RFTN1: variants seen among roughly 807,000 people sequenced by gnomAD.
RFTN1 encodes raftlin.
RFTN1 carries 26 observed loss-of-function variants against 46.5 expected under a neutral mutation model. That is an observed-to-expected ratio of 0.56 (90% CI 0.41 to 0.78). The LOEUF (loss-of-function observed/expected upper bound fraction) is 0.78. Among genes scored for constraint, RFTN1 ranks in the 30% least tolerant of loss-of-function variants. The pLI, the probability that RFTN1 is intolerant of heterozygous loss-of-function variation, is 0.00. For synonymous variants in RFTN1, 261 were observed against 284.2 expected (o/e 0.92, Z 0.82); for missense variants, 693 against 718.7 (o/e 0.96, Z 0.41).
intron 5 of RFTN1, among the ~76,000 whole-genome samples, chr3:16,375,503 G>A (rs1010064353): frequency 2.0e-5 from 3 of 152,062 alleles, no homozygotes; most frequent in African/African-American, 7.3e-5. Flanking sequence ...GGCACTTGGA[G>A]GGTGACTGCC....
rs551522522 is a variant in RFTN1, at chr3:16,355,998, A to G, written c.1146+1934T>C. 5.3e-5 allele frequency among the ~76,000 whole-genome samples: 8 copies of G among 152,320 alleles called. No individual in the cohort carries two copies. In the East Asian group the frequency reaches 1.3e-3, roughly 26 times the overall value. ...GCACATGTTTTGGGTGCAGCCATGCATCGCTACTGTTACAGCCAAATGTTA... is the reference window on the plus strand; with the variant it reads ...GCACATGTTTTGGGTGCAGCCATGCGTCGCTACTGTTACAGCCAAATGTTA... On this transcript the variant is annotated intron_variant, in intron 7 of 9. Transcript: ENST00000334133.
At position 16,424,329 on chromosome 3, in the gene RFTN1, T is replaced by C. The variant is rs866255644; in HGVS notation, c.332+9522A>G. Among the ~76,000 whole-genome samples the C allele has an allele frequency of 1.3e-5, 2 of 152,138 alleles. No homozygotes were observed. Among genetic ancestry groups the C allele is most frequent in the Non-Finnish European group, 2.9e-5 (2 of 68,032 alleles). ...TTCTTCAGCCTCATTTTCCTAGACA[T>C]AAAATGAGAAGTGGGGAATGAGGGA... On this transcript the variant is annotated intron_variant, in intron 3 of 9. Transcript: ENST00000334133. This position sits in a 1 kb window ranked among gnomAD's most constrained non-coding sequence, Gnocchi z 4.7.
chr3:16,470,111 T>C (rs997240162), intron 2 of RFTN1, among the ~76,000 whole-genome samples: 1 of 152,174 alleles, frequency 6.6e-6, no homozygotes, highest in Non-Finnish European at 1.5e-5. Flanking sequence ...TCTCTGGGCC[T>C]TCATTTGTCT....
chr3:16,379,967 G>A (rs1010100418), intron 4 of RFTN1, among the ~76,000 whole-genome samples: 1 of 152,200 alleles, frequency 6.6e-6, no homozygotes, highest in Non-Finnish European at 1.5e-5. Flanking sequence ...GGGTTTTACA[G>A]CCCTCAAATG....
chr3:16,444,275 G>A lies in RFTN1; in HGVS notation c.146-10238C>T, dbSNP rs573039586. 3.3e-5 allele frequency among the ~76,000 whole-genome samples: 5 copies of A among 152,260 alleles called. No homozygotes were observed. In the East Asian group the frequency reaches 9.6e-4, roughly 29 times the overall value. On this transcript the variant is annotated intron_variant, in intron 2 of 9. Coordinates refer to ENST00000334133, the MANE Select transcript of RFTN1 (RefSeq NM_015150.2). ...ATTATGCTGATGGCATCAAAGACTA[G>A]CCACTAATGAGTATGTACAAACAAT... is the stretch of plus-strand genomic sequence containing the variant.
chr3:16,397,792 CTCTT>C (rs66501474), intron 4 of RFTN1, among the ~76,000 whole-genome samples: 78,454 of 151,132 alleles, frequency 0.52, 21,419 homozygotes, highest in Middle Eastern at 0.6. Flanking sequence ...CTCTCTCTCT[CTCTT>C]TCTTTTTTCT....
intron 8 of RFTN1, among the ~76,000 whole-genome samples, chr3:16,325,284 G>T (rs141478432): frequency 7.9e-5 from 12 of 152,318 alleles, no homozygotes; most frequent in African/African-American, 2.9e-4. Flanking sequence ...ACACAGTGAG[G>T]ATTCAAACAC....
intron 3 of RFTN1, among the ~76,000 whole-genome samples, chr3:16,417,000 T>C (rs949047245): frequency 2.2e-5 from 3 of 137,636 alleles, no homozygotes; most frequent in Non-Finnish European, 4.5e-5. Context: ...AGAACTTGTT[T>C]TTCTTTTTCT....
intron 2 of RFTN1, among the ~76,000 whole-genome samples, chr3:16,464,205 A>G (rs557714810): frequency 6.6e-6 from 1 of 152,332 alleles, no homozygotes; most frequent in African/African-American, 2.4e-5. Context: ...CAGTCCCAAG[A>G]GAACACAAAC....
rs2075114141 is a variant in RFTN1, at chr3:16,417,935, T to C, written c.333-8452A>G. Among the ~76,000 whole-genome samples, 5 of 152,178 alleles carry C rather than the reference T, an allele frequency of 3.3e-5. No homozygotes were observed. In the South Asian group the frequency reaches 1.0e-3, roughly 31 times the overall value. On this transcript the variant is annotated intron_variant, in intron 3 of 9. Transcript: ENST00000334133. ...GTTGCCCAGGCTGGTCTCAAATTCC[T>C]GGGCTCAAGTGAACCTCCAGCTCGG...
intron 6 of RFTN1, among the ~76,000 whole-genome samples, chr3:16,364,885 G>A (rs917238053): frequency 6.6e-6 from 1 of 152,220 alleles, no homozygotes; most frequent in South Asian, 2.1e-4. Flanking sequence ...TAGAAACAGC[G>A]TGGGGCACGC....
At chr3:16,390,560 T>G (rs1287798517) in intron 4 of RFTN1, among the ~76,000 whole-genome samples, 3 of 152,258 alleles carry the variant, frequency 2.0e-5, no homozygotes. Flanking sequence ...GCTTAGTTCT[T>G]GTTTATCACA....
chr3:16,350,584 T>C (rs2072033653), intron 7 of RFTN1, among the ~76,000 whole-genome samples: 1 of 152,100 alleles, frequency 6.6e-6, no homozygotes, highest in South Asian at 2.1e-4. Flanking sequence ...CACACAAGAA[T>C]TTGATAAAAG....
Position 16,344,744 on chromosome 3 carries a change from C to A in RFTN1, c.1146+13188G>T, listed in dbSNP as rs539376578. On this transcript the variant is annotated intron_variant, in intron 7 of 9. Transcript: ENST00000334133. The surrounding 1 kb of genome is among the most constrained non-coding windows in gnomAD (Gnocchi z 4.4). ...AAAGCACATCGTTGCCAAGTGCGGC[C>A]TCTCAATCAGTTATACACCACCCAT... 6.6e-6 allele frequency among the ~76,000 whole-genome samples: 1 copy of A among 152,328 alleles called. No individual in the cohort carries two copies. Among genetic ancestry groups the A allele is most frequent in the South Asian group, 2.1e-4 (1 of 4,828 alleles).
In RFTN1 at chr3:16,370,284, TG is replaced by T; in HGVS notation, c.827-6del. The T allele has an allele frequency of 6.2e-7, 1 of 1,613,646 alleles. No homozygotes were observed. Among genetic ancestry groups the T allele is most frequent in the East Asian group, 2.2e-5 (1 of 44,858 alleles). ...AAAGGGTGAAGATCTCCATTTCTGT[TG>T]GGATTTGTAAAGGGAGTGGAGAGAG... is the stretch of plus-strand genomic sequence containing the variant. On this transcript the variant is annotated splice_region_variant and splice_polypyrimidine_tract_variant and intron_variant, in intron 5 of 9. Transcript: ENST00000334133. This position sits in a 1 kb window ranked among gnomAD's most constrained non-coding sequence, Gnocchi z 5.5.
chr3:16,469,638 G>A (rs539319387), intron 2 of RFTN1, among the ~76,000 whole-genome samples: 135 of 152,364 alleles, frequency 8.9e-4, no homozygotes, highest in Middle Eastern at 3.4e-3. Flanking sequence ...AAGGGGGGAA[G>A]AGAGAGGACC....
At position 16,422,843 on chromosome 3, in the gene RFTN1, G is replaced by C. The variant is rs1293902505; in HGVS notation, c.332+11008C>G. Among the ~76,000 whole-genome samples, 3 of 152,168 alleles carry C rather than the reference G, an allele frequency of 2.0e-5. No homozygotes were observed. Among genetic ancestry groups the C allele is most frequent in the Non-Finnish European group, 2.9e-5 (2 of 67,988 alleles). On this transcript the variant is annotated intron_variant, in intron 3 of 9. Coordinates refer to ENST00000334133, the MANE Select transcript of RFTN1 (RefSeq NM_015150.2). This position sits in a 1 kb window ranked among gnomAD's most constrained non-coding sequence, Gnocchi z 4.6. ...TTAGGTTAACTTAATAAGTGCTCTT[G>C]GCAAAGGTGGCTACCTAGAAGAAAA... is the stretch of plus-strand genomic sequence containing the variant.
rs750873217 is a variant in RFTN1 at position 16,348,666 on chromosome 3, C to T, written c.1146+9266G>A. On this transcript the variant is annotated intron_variant, in intron 7 of 9. Coordinates refer to ENST00000334133, the MANE Select transcript of RFTN1 (RefSeq NM_015150.2). This position sits in a 1 kb window ranked among gnomAD's most constrained non-coding sequence, Gnocchi z 6.3. Reference sequence around the variant, plus strand: ...GCAAATGCCCCTTTGCATCCTTGTTCCTGGGCATCAAAAAGTAGTCACTCT... The same window carrying T: ...GCAAATGCCCCTTTGCATCCTTGTTTCTGGGCATCAAAAAGTAGTCACTCT... 2.0e-5 allele frequency among the ~76,000 whole-genome samples: 3 copies of T among 152,188 alleles called. No individual in the cohort carries two copies. The highest frequency in any genetic ancestry group is 7.2e-5 in the African/African-American group (3 of 41,446).
At chr3:16,358,328 C>T (rs369931597) in intron 6 of RFTN1, among the ~76,000 whole-genome samples, 1 of 152,166 alleles carries the variant, frequency 6.6e-6, no homozygotes, top group East Asian at 1.9e-4. Flanking sequence ...GTTTACCTTC[C>T]TTTTCATGCT....
Sources: allele counts gnomAD v4.1 joint callset (sites outside exome capture counted in the v4.1 genomes callset), GRCh38; gene constraint gnomAD v4.1.1; non-coding constraint Gnocchi (gnomAD v3.1); transcripts MANE v1.5; gene names NCBI Gene and HGNC (gene_info 2026-07-23, HGNC 2026-07-21).